The following RBFOX3 variants were observed in gnomAD, a reference collection of about 807,000 sequenced individuals.
RBFOX3 encodes RNA binding protein fox-1 homolog 3.
Under a neutral mutation model 48.7 loss-of-function variants are expected in RBFOX3, and 17 were observed. The ratio of observed to expected loss-of-function variants is 0.35; its 90% CI spans 0.24 to 0.52. RBFOX3 has a LOEUF of 0.52. Among genes scored for constraint, RBFOX3 ranks in the 20% least tolerant of loss-of-function variants. The pLI, the probability that RBFOX3 is intolerant of heterozygous loss-of-function variation, is 0.94. For missense variants in RBFOX3, 382 were observed against 497.5 expected, an observed-to-expected ratio of 0.77 and a Z score of 2.21; for synonymous variants, 212 against 209.5, an observed-to-expected ratio of 1.01 and a Z score of -0.10.
At chr17:79,157,373 CACAG>C (rs2046044369) in intron 4 of RBFOX3, among the ~76,000 whole-genome samples, 1 of 152,224 alleles carries the variant, frequency 6.6e-6, no homozygotes, top group African/African-American at 2.4e-5. Context: ...GCACCCCTTC[CACAG>C]ACACTGACCA....
At chr17:79,182,520 A>AC (rs1275505631) in intron 4 of RBFOX3, among the ~76,000 whole-genome samples, 5 of 151,276 alleles carry the variant, frequency 3.3e-5, no homozygotes, top group Non-Finnish European at 4.4e-5. Context: ...GCAGCGCAGG[A>AC]CCCCCGTCCC....
intron 1 of RBFOX3, among the ~76,000 whole-genome samples, chr17:79,529,430 G>T (rs1275794922): frequency 1.3e-5 from 2 of 152,236 alleles, no homozygotes; most frequent in Non-Finnish European, 2.9e-5. Context: ...GGAACCAGTT[G>T]CATGGCTCAC....
At chr17:79,140,585 GAGA>G (rs1385000934) in intron 4 of RBFOX3, among the ~76,000 whole-genome samples, 1 of 152,278 alleles carries the variant, frequency 6.6e-6, no homozygotes, top group Non-Finnish European at 1.5e-5. Flanking sequence ...CTCAAAGAGA[GAGA>G]AGGACAACCT....
chr17:79,157,328 C>T (rs2046034698), intron 4 of RBFOX3, among the ~76,000 whole-genome samples: 1 of 152,212 alleles, frequency 6.6e-6, no homozygotes, highest in African/African-American at 2.4e-5. Flanking sequence ...CCACAGTTGT[C>T]CATCCCCTCT....
At chr17:79,332,935 C>T (rs12946899) in intron 2 of RBFOX3, among the ~76,000 whole-genome samples, 112,752 of 148,084 alleles carry the variant, frequency 0.76, 42,976 homozygotes, top group East Asian at 0.99. Flanking sequence ...GACAGATAGA[C>T]AGACACAGAG....
At chr17:79,215,309 C>T (rs2058896711) in intron 4 of RBFOX3, among the ~76,000 whole-genome samples, 1 of 152,194 alleles carries the variant, frequency 6.6e-6, no homozygotes, top group Non-Finnish European at 1.5e-5. Context: ...GGCTGCAGCC[C>T]CGTCAACCAA....
chr17:79,120,679 T>C (rs1348812574), intron 4 of RBFOX3, among the ~76,000 whole-genome samples: 1 of 90,344 alleles, frequency 1.1e-5, no homozygotes, highest in Non-Finnish European at 2.1e-5. Flanking sequence ...GATGGGTGGA[T>C]GGTTGGATGG....
chr17:79,512,375 A>C (rs1175237996), intron 1 of RBFOX3, among the ~76,000 whole-genome samples: 2 of 122,844 alleles, frequency 1.6e-5, no homozygotes, highest in Non-Finnish European at 3.4e-5. Context: ...ACCCACCCGG[A>C]TACATGTTAC....
At chr17:79,294,972 T>C (rs993513665) in intron 3 of RBFOX3, among the ~76,000 whole-genome samples, 4 of 152,226 alleles carry the variant, frequency 2.6e-5, no homozygotes, top group African/African-American at 9.6e-5. Flanking sequence ...TGAGACCTTG[T>C]TATGGAAGAG....
intron 3 of RBFOX3, among the ~76,000 whole-genome samples, chr17:79,275,898 A>G (rs1259368404): frequency 6.6e-6 from 1 of 152,246 alleles, no homozygotes; most frequent in Non-Finnish European, 1.5e-5. Context: ...ACGAAAATGT[A>G]TGTTCAAACA....
intron 4 of RBFOX3, among the ~76,000 whole-genome samples, chr17:79,148,697 G>T (rs1215483444): frequency 2.6e-5 from 4 of 152,218 alleles, no homozygotes; most frequent in Non-Finnish European, 5.9e-5. Flanking sequence ...TTGCTTCCTG[G>T]AAGTGATGAG....
chr17:79,565,258 T>G (rs1295720571), intron 1 of RBFOX3, among the ~76,000 whole-genome samples: 1 of 152,196 alleles, frequency 6.6e-6, no homozygotes, highest in East Asian at 1.9e-4. Flanking sequence ...TCTTCTGTGC[T>G]TTCTCTACTT....
intron 2 of RBFOX3, among the ~76,000 whole-genome samples, chr17:79,469,984 T>G (rs2149365960): frequency 6.6e-6 from 1 of 152,238 alleles, no homozygotes; most frequent in African/African-American, 2.4e-5. Context: ...AACACATCCC[T>G]GGCAGTGTGC....
At position 79,205,136 on chromosome 17, in the gene RBFOX3, A is replaced by T. The variant is rs753319946; in HGVS notation, c.-34+30630T>A. Reference sequence around the variant, plus strand: ...GGAATGCACTGCAATATTTATAATGATAGCATCCCCATCCTTCCCCAGATG... The same window carrying T: ...GGAATGCACTGCAATATTTATAATGTTAGCATCCCCATCCTTCCCCAGATG... On this transcript the variant is annotated intron_variant, in intron 4 of 14. Coordinates refer to ENST00000693108, the MANE Select transcript of RBFOX3 (RefSeq NM_001350451.2). This position sits in a 1 kb window ranked among gnomAD's most constrained non-coding sequence, Gnocchi z 4.5. 6.6e-6 allele frequency among the ~76,000 whole-genome samples: 1 copy of T among 152,172 alleles called. No individual in the cohort carries two copies. Among genetic ancestry groups the T allele is most frequent in the Non-Finnish European group, 1.5e-5 (1 of 68,030 alleles).
In RBFOX3 at chr17:79,363,579, TG is replaced by T. The variant is rs145682106; in HGVS notation, c.-174-55756del. Among the ~76,000 whole-genome samples the T allele has an allele frequency of 6.1e-3, 924 of 152,116 alleles. 13 individuals carry two copies. The highest frequency in any genetic ancestry group is 0.021 in the African/African-American group (878 of 41,466). Reference sequence around the variant, plus strand: ...CCTTCCTGTTCCTGCCCAGCTTCCCTGGGGGGTCTCCGCGAGCAACATACCT... The same window carrying T: ...CCTTCCTGTTCCTGCCCAGCTTCCCTGGGGGTCTCCGCGAGCAACATACCT... On this transcript the variant is annotated intron_variant, in intron 2 of 14. Coordinates refer to ENST00000693108, the MANE Select transcript of RBFOX3 (RefSeq NM_001350451.2). This position sits in a 1 kb window ranked among gnomAD's most constrained non-coding sequence, Gnocchi z 4.7.
chr17:79,258,702 C>G (rs959553013), intron 3 of RBFOX3, among the ~76,000 whole-genome samples: 2 of 152,188 alleles, frequency 1.3e-5, no homozygotes, highest in African/African-American at 4.8e-5. Flanking sequence ...TTTGGAAGAT[C>G]AGGAGGCAGG....
At chr17:79,097,869 C>A (rs1000888973) in intron 9 of RBFOX3, 124 bp from the exon 10 acceptor site, 9 of 1,003,344 alleles carry the variant, frequency 9.0e-6, no homozygotes, top group Middle Eastern at 2.1e-4. Context: ...CGCCTCCCCG[C>A]GCCGGGCCCC....
intron 4 of RBFOX3, among the ~76,000 whole-genome samples, chr17:79,182,607 G>A (rs2052323100): frequency 6.6e-6 from 1 of 151,752 alleles, no homozygotes; most frequent in South Asian, 2.1e-4. Flanking sequence ...GGGCATCCTG[G>A]GGATCTGGTG....
chr17:79,567,176 CTTTCTTT>C (rs1257364671), intron 1 of RBFOX3, among the ~76,000 whole-genome samples: 22 of 121,130 alleles, frequency 1.8e-4, no homozygotes, highest in East Asian at 7.4e-4. Context: ...TTCTTTCTTT[CTTTCTTT>C]TTTTTTTTTT....
Sources: allele counts gnomAD v4.1 joint callset (sites outside exome capture counted in the v4.1 genomes callset), GRCh38; gene constraint gnomAD v4.1.1; non-coding constraint Gnocchi (gnomAD v3.1); transcripts MANE v1.5; gene names NCBI Gene and HGNC (gene_info 2026-07-23, HGNC 2026-07-21).